The following ANTXR1 variants were observed in gnomAD, a reference collection of about 807,000 sequenced individuals.
ANTXR1 encodes anthrax toxin receptor 1.
ANTXR1 carries 19 observed loss-of-function variants against 78.1 expected under a neutral mutation model. That is an observed-to-expected ratio of 0.24 (90% CI 0.17 to 0.36). The LOEUF (loss-of-function observed/expected upper bound fraction) is 0.36. Ranked by LOEUF, ANTXR1 falls within the 10% of genes least tolerant of loss-of-function variation. The pLI is 1.00. For missense variants in ANTXR1, 518 were observed against 718.6 expected (o/e 0.72, Z 3.19); for synonymous variants, 273 against 260.5 (o/e 1.05, Z -0.46).
chr2:69,135,519 A>G (rs1014151166), intron 12 of ANTXR1, among the ~76,000 whole-genome samples: 1 of 152,164 alleles, frequency 6.6e-6, no homozygotes, highest in Non-Finnish European at 1.5e-5. Context: ...AAACATAAGG[A>G]CACAGAAAGA....
chr2:69,047,492 A>T (rs1669805083), intron 3 of ANTXR1, among the ~76,000 whole-genome samples: 1 of 151,998 alleles, frequency 6.6e-6, no homozygotes, highest in Admixed American at 6.6e-5. Context: ...CTCTGTTTTC[A>T]CAGTTTCTTC....
intron 13 of ANTXR1, among the ~76,000 whole-genome samples, chr2:69,165,418 C>T (rs1432405689): frequency 1.3e-5 from 2 of 152,194 alleles, no homozygotes; most frequent in Non-Finnish European, 2.9e-5. Context: ...AAACGAGTCC[C>T]CTGTTTTGTT....
At chr2:69,118,663 C>T (rs1322231587) in intron 10 of ANTXR1, among the ~76,000 whole-genome samples, 2 of 152,098 alleles carry the variant, frequency 1.3e-5, no homozygotes, top group Non-Finnish European at 2.9e-5. Context: ...ATCGCGGCCC[C>T]ACATATGTCA....
intron 9 of ANTXR1, among the ~76,000 whole-genome samples, chr2:69,092,713 C>T (rs916704374): frequency 6.6e-6 from 1 of 152,102 alleles, no homozygotes; most frequent in Non-Finnish European, 1.5e-5. Flanking sequence ...AACATATGAC[C>T]ACATGAATGC....
At chr2:69,135,901 G>A (rs12105936) in intron 12 of ANTXR1, among the ~76,000 whole-genome samples, 20,382 of 151,984 alleles carry the variant, frequency 0.13, 1,475 homozygotes, top group Admixed American at 0.16. Flanking sequence ...AAGCCTCAGC[G>A]TAACATTCAA....
chr2:69,062,475 T>C (rs1670273979), intron 3 of ANTXR1, among the ~76,000 whole-genome samples: 2 of 151,664 alleles, frequency 1.3e-5, no homozygotes, highest in South Asian at 2.1e-4. Flanking sequence ...AGTCCAGGAG[T>C]TGGCCTAATA....
chr2:69,137,597 G>A (rs1672949177), intron 12 of ANTXR1, among the ~76,000 whole-genome samples: 1 of 151,878 alleles, frequency 6.6e-6, no homozygotes, highest in East Asian at 1.9e-4. Context: ...TCTACAACAG[G>A]GTCTTTTGTA....
At chr2:69,117,109 C>T (rs975092563) in intron 10 of ANTXR1, among the ~76,000 whole-genome samples, 23 of 152,228 alleles carry the variant, frequency 1.5e-4, no homozygotes, top group African/African-American at 4.3e-4. Flanking sequence ...TCTTCAAGCT[C>T]TTCATCCCTA....
intron 16 of ANTXR1, among the ~76,000 whole-genome samples, chr2:69,188,385 G>A (rs1050705000): frequency 9.2e-5 from 14 of 152,246 alleles, no homozygotes; most frequent in Non-Finnish European, 1.3e-4. Context: ...ATGTGCCACC[G>A]TGCCCGGCTC....
At chr2:69,227,210 A>T (rs936262166) in intron 17 of ANTXR1, among the ~76,000 whole-genome samples, 8 of 152,294 alleles carry the variant, frequency 5.3e-5, no homozygotes, top group South Asian at 4.1e-4. Flanking sequence ...CAGCCAGAAT[A>T]CTTCAGGGTT....
At chr2:69,143,511 T>C (rs897834084) in intron 12 of ANTXR1, among the ~76,000 whole-genome samples, 1 of 152,154 alleles carries the variant, frequency 6.6e-6, no homozygotes, top group Admixed American at 6.5e-5. Flanking sequence ...TGAATGGTCC[T>C]GAATACAACC....
At chr2:69,220,071 A>G (rs1675283628) in intron 17 of ANTXR1, among the ~76,000 whole-genome samples, 1 of 152,218 alleles carries the variant, frequency 6.6e-6, no homozygotes, top group African/African-American at 2.4e-5. Context: ...ATGGGTGGCC[A>G]AGTAACTTGA....
intron 17 of ANTXR1, among the ~76,000 whole-genome samples, chr2:69,206,663 C>T (rs1336548555): frequency 6.6e-6 from 1 of 152,146 alleles, no homozygotes; most frequent in East Asian, 1.9e-4. Flanking sequence ...GCCATGCAGT[C>T]CTCCAGAGAT....
At chr2:69,193,446 C>CTG (rs774284729) in intron 17 of ANTXR1, 31 bp downstream of exon 17, 7 of 1,273,468 alleles carry the variant, frequency 5.5e-6, no homozygotes, top group Non-Finnish European at 7.8e-6. Flanking sequence ...AATGGTGTCT[C>CTG]TCTCTCTCTC....
chr2:69,215,098 GC>G (rs1675144009), intron 17 of ANTXR1, among the ~76,000 whole-genome samples: 1 of 152,186 alleles, frequency 6.6e-6, no homozygotes, highest in Admixed American at 6.5e-5. Context: ...CCATCCTGCT[GC>G]ACAGGCTGCC....
chr2:69,224,767 G>A (rs1332965436), intron 17 of ANTXR1, among the ~76,000 whole-genome samples: 2 of 152,088 alleles, frequency 1.3e-5, no homozygotes, highest in African/African-American at 2.4e-5. Flanking sequence ...TGACGTAAGA[G>A]GCAGAAGAGT....
intron 1 of ANTXR1, among the ~76,000 whole-genome samples, chr2:69,035,570 A>G (rs776484246): frequency 1.8e-4 from 27 of 152,180 alleles, no homozygotes; most frequent in African/African-American, 1.7e-4. Context: ...CTAGAATCTT[A>G]GAAGTTTGTG....
rs571141365 is a variant in ANTXR1, at chr2:69,072,408, A to G, written c.413-614A>G. Among the ~76,000 whole-genome samples, 4 of 152,314 alleles carry G rather than the reference A, an allele frequency of 2.6e-5. No homozygotes were observed. In the South Asian group the frequency reaches 8.3e-4, roughly 32 times the overall value. ...TCCTCCCAGGCCTATAGAGGTGTCC[A>G]TTTCTTGTTTCATCCTAAACTGCAA... On this transcript the variant is annotated intron_variant, in intron 5 of 17. Transcript: ENST00000303714.
chr2:69,235,521 G>A (rs1023199220), intron 17 of ANTXR1, among the ~76,000 whole-genome samples: 1 of 151,728 alleles, frequency 6.6e-6, no homozygotes, highest in Non-Finnish European at 1.5e-5. Flanking sequence ...GTGTGGTGGT[G>A]CATTCCTGTA....
Sources: gnomAD v4.1 joint callset for allele counts (sites outside exome capture counted in the v4.1 genomes callset) on GRCh38, gnomAD v4.1.1 for gene constraint, MANE v1.5 for transcripts, NCBI Gene and HGNC (gene_info 2026-07-23, HGNC 2026-07-21) for gene names.